HDAC4: variants seen among roughly 807,000 people sequenced by gnomAD.
HDAC4 encodes the protein histone deacetylase A.
A neutral mutation model predicts 135.1 loss-of-function variants in HDAC4; 16 were observed. That is an observed-to-expected ratio of 0.12 (90% CI 0.08 to 0.18). HDAC4 has a LOEUF of 0.18. Among genes scored for constraint, HDAC4 ranks in the 10% least tolerant of loss-of-function variants. The pLI is 1.00. For missense variants in HDAC4, 1,143 were observed against 1,511.8 expected (o/e 0.76, Z 4.05); for synonymous variants, 685 against 653.4 (o/e 1.05, Z -0.74).
chr2:239,122,336 A>G (rs2039766026), intron 12 of HDAC4, among the ~76,000 whole-genome samples: 1 of 152,198 alleles, frequency 6.6e-6, no homozygotes, highest in South Asian at 2.1e-4. Flanking sequence ...GTCCTCTTTT[A>G]ATAGAAAGAG....
At chr2:239,341,414 C>T (rs1325265721) in intron 2 of HDAC4, among the ~76,000 whole-genome samples, 2 of 152,220 alleles carry the variant, frequency 1.3e-5, no homozygotes, top group Non-Finnish European at 2.9e-5. Flanking sequence ...TCAGCCCCAC[C>T]TGATTTGGAT....
At chr2:239,188,868 G>T (rs2044718340) in intron 4 of HDAC4, among the ~76,000 whole-genome samples, 1 of 152,238 alleles carries the variant, frequency 6.6e-6, no homozygotes, top group Non-Finnish European at 1.5e-5. Flanking sequence ...GCGGCCATGT[G>T]AGTGAGCCTG....
chr2:239,208,018 T>TAACACAAGAA (rs2046140755), intron 3 of HDAC4, among the ~76,000 whole-genome samples: 5 of 151,806 alleles, frequency 3.3e-5, no homozygotes, highest in Admixed American at 2.6e-4. Context: ...CCTGGTGTTT[T>TAACACAAGAA]AACACAAGAA....
At chr2:239,302,552 C>T (rs929066864) in intron 2 of HDAC4, among the ~76,000 whole-genome samples, 1 of 152,226 alleles carries the variant, frequency 6.6e-6, no homozygotes, top group Non-Finnish European at 1.5e-5. Flanking sequence ...CATGACCAAG[C>T]ACTCCAAACA....
intron 3 of HDAC4, among the ~76,000 whole-genome samples, chr2:239,198,587 C>A (rs925052648): frequency 6.6e-6 from 1 of 152,188 alleles, no homozygotes; most frequent in Non-Finnish European, 1.5e-5. Context: ...CTGGAGAGCA[C>A]CCCTTTGTGG....
chr2:239,342,398 G>C (rs374767061), intron 2 of HDAC4, among the ~76,000 whole-genome samples: 3 of 152,092 alleles, frequency 2.0e-5, no homozygotes, highest in South Asian at 2.1e-4. Flanking sequence ...CCCAGTTAAT[G>C]ACCATCACTA....
intron 17 of HDAC4, 71 bp downstream of exon 17, chr2:239,094,939 G>C (rs761482935): frequency 6.2e-7 from 1 of 1,611,546 alleles, no homozygotes; most frequent in African/African-American, 1.3e-5. Flanking sequence ...GGGAAGCAAG[G>C]CTGCGATTTC....
chr2:239,068,665 C>A lies in HDAC4; in HGVS notation c.2751-58G>T, dbSNP rs1171471918. On this transcript the variant is annotated intron_variant, in intron 22 of 26. Transcript: ENST00000543185. This position sits in a 1 kb window ranked among gnomAD's most constrained non-coding sequence, Gnocchi z 4.4. ...AGCTGAAAGAGGGACGGGACGGTCA[C>A]AAAACCCCAAGGTTCCCTCTGGCAT... 1.9e-5 allele frequency: 28 copies of A among 1,440,044 alleles called. No individual in the cohort carries two copies. The highest frequency in any genetic ancestry group is 2.6e-5 in the Non-Finnish European group (27 of 1,022,442). The allele number at this position is 1,440,044 out of a possible 1,614,324, so 89.2% of individuals were successfully genotyped here.
intron 16 of HDAC4, among the ~76,000 whole-genome samples, chr2:239,100,653 G>C (rs577131262): frequency 5.9e-5 from 9 of 152,280 alleles, no homozygotes; most frequent in Non-Finnish European, 1.2e-4. Flanking sequence ...GGCCCACAGG[G>C]GGTGATTAGC....
intron 4 of HDAC4, among the ~76,000 whole-genome samples, chr2:239,178,993 C>T (rs901958350): frequency 6.7e-6 from 1 of 150,304 alleles, no homozygotes; most frequent in African/African-American, 2.5e-5. Context: ...CCACCAGACG[C>T]CCGAGGCATA....
chr2:239,112,171 G>A (rs74000669), intron 13 of HDAC4, among the ~76,000 whole-genome samples: 1 of 152,266 alleles, frequency 6.6e-6, no homozygotes, highest in African/African-American at 2.4e-5. Context: ...CCTGGCCCTC[G>A]CTGGTTTCAC....
chr2:239,381,166 C>T (rs542542002), intron 1 of HDAC4, among the ~76,000 whole-genome samples: 2 of 152,348 alleles, frequency 1.3e-5, no homozygotes, highest in Non-Finnish European at 2.9e-5. Flanking sequence ...CCCGCGACCG[C>T]CTTCCTCAAT....
rs1225845242 is a variant in HDAC4 at position 239,232,518 on chromosome 2, C to T, written c.94+4075G>A. 3.9e-5 allele frequency among the ~76,000 whole-genome samples: 6 copies of T among 152,120 alleles called. No homozygotes were observed. In the East Asian group the frequency reaches 5.8e-4, roughly 15 times the overall value. On this transcript the variant is annotated intron_variant, in intron 3 of 26. Coordinates refer to ENST00000543185, the MANE Select transcript of HDAC4 (RefSeq NM_001378414.1). ...CCATGTCTCCGCCTGGGATCTGCCTCGGTGTCAAGTCTCCTCCAAGGGTGG... is the reference window on the plus strand; with the variant it reads ...CCATGTCTCCGCCTGGGATCTGCCTTGGTGTCAAGTCTCCTCCAAGGGTGG...
At chr2:239,140,225 T>A (rs1323533235) in intron 8 of HDAC4, among the ~76,000 whole-genome samples, 1 of 152,226 alleles carries the variant, frequency 6.6e-6, no homozygotes, top group African/African-American at 2.4e-5. Context: ...GTGTTCACTC[T>A]GAGCTGAATC....
intron 26 of HDAC4, 25 bp downstream of exon 26, chr2:239,053,435 G>T: frequency 6.2e-7 from 1 of 1,609,102 alleles, no homozygotes; most frequent in Non-Finnish European, 8.5e-7. Flanking sequence ...TGAGCCTGCA[G>T]GCGGGCGGCA....
intron 2 of HDAC4, among the ~76,000 whole-genome samples, chr2:239,267,879 T>C (rs926759901): frequency 1.3e-5 from 2 of 152,254 alleles, no homozygotes; most frequent in Admixed American, 6.5e-5. Context: ...AGTTCTTACA[T>C]GGTAATTCTG....
intron 2 of HDAC4, among the ~76,000 whole-genome samples, chr2:239,325,576 T>C (rs1202265396): frequency 6.6e-6 from 1 of 152,196 alleles, no homozygotes; most frequent in Admixed American, 6.5e-5. Flanking sequence ...TAAAAAATAT[T>C]GGTGCGGATG....
At chr2:239,280,991 ACAATGTACACACCACTCT>A (rs1410539734) in intron 2 of HDAC4, among the ~76,000 whole-genome samples, 18 of 132,058 alleles carry the variant, frequency 1.4e-4, no homozygotes, top group South Asian at 4.9e-4. Flanking sequence ...CACTCTACAC[ACAATGTACACACCACTCT>A]CAATGTACAC....
chr2:239,234,084 A>G (rs2047747439), intron 3 of HDAC4, among the ~76,000 whole-genome samples: 1 of 152,216 alleles, frequency 6.6e-6, no homozygotes, highest in African/African-American at 2.4e-5. Context: ...AGTATTTTTC[A>G]GTGGGTTGAA....
Sources: allele counts gnomAD v4.1 joint callset (sites outside exome capture counted in the v4.1 genomes callset), GRCh38; gene constraint gnomAD v4.1.1; non-coding constraint Gnocchi (gnomAD v3.1); transcripts MANE v1.5; gene names NCBI Gene and HGNC (gene_info 2026-07-23, HGNC 2026-07-21).